The following ZSWIM5 variants were observed in gnomAD, a reference collection of about 807,000 sequenced individuals.
The protein encoded by ZSWIM5 is zinc finger SWIM-type containing 5, also known as zinc finger SWIM domain-containing protein 5.
A neutral mutation model predicts 119.6 loss-of-function variants in ZSWIM5; 55 were observed. The observed-to-expected ratio is 0.46, with a 90% CI of 0.37 to 0.58. The LOEUF (loss-of-function observed/expected upper bound fraction) is 0.58. ZSWIM5 is among the 20% of genes least tolerant of loss of function. The probability of loss-of-function intolerance (pLI) is 0.00; values close to 1 mark genes in which losing one functional copy is unlikely to be tolerated. For synonymous variants in ZSWIM5, 537 were observed against 606.9 expected (o/e 0.88, Z 1.69); for missense variants, 1,193 against 1,512.8 (o/e 0.79, Z 3.51).
chr1:45,169,877 T>C (rs1645935042), intron 1 of ZSWIM5, among the ~76,000 whole-genome samples: 1 of 152,096 alleles, frequency 6.6e-6, no homozygotes, highest in African/African-American at 2.4e-5. Context: ...TTAAAACCTA[T>C]ATTATACACA....
At chr1:45,180,186 CA>C (rs964582918) in intron 1 of ZSWIM5, among the ~76,000 whole-genome samples, 5 of 152,272 alleles carry the variant, frequency 3.3e-5, no homozygotes, top group Admixed American at 6.5e-5. Flanking sequence ...TGGTCAAGGA[CA>C]GGGGTGACAG....
At chr1:45,070,620 A>G (rs1243564950) in intron 2 of ZSWIM5, among the ~76,000 whole-genome samples, 1 of 152,070 alleles carries the variant, frequency 6.6e-6, no homozygotes, top group Non-Finnish European at 1.5e-5. Flanking sequence ...ATAATTTTTC[A>G]AAGTTTTATT....
chr1:45,018,197 G>A lies in ZSWIM5; in HGVS notation c.*257C>T, dbSNP rs1205675404. On this transcript the variant is annotated 3_prime_UTR_variant, in exon 14 of 14. Transcript: ENST00000359600. The surrounding 1 kb of genome is among the most constrained non-coding windows in gnomAD (Gnocchi z 6.7). ...CAGGACACGCAGGATATAGGGGCAT[G>A]AGGTGGCATGTTGTGGGGTTTCTGG... is the stretch of plus-strand genomic sequence containing the variant. The A allele has an allele frequency of 3.5e-5, 19 of 547,056 alleles. No individual in the cohort carries two copies. The Admixed American group carries it at 4.4e-4, about 13-fold the overall frequency. The allele number at this position is 547,056 out of a possible 1,614,324, so 33.9% of individuals were successfully genotyped here. A position where few individuals can be genotyped will look rare whatever the true frequency, so the allele number is the denominator to read the frequency against.
rs869057806 is a variant in ZSWIM5 at position 45,068,091 on chromosome 1, C to CT, written c.953-7845dup. On this transcript the variant is annotated intron_variant, in intron 2 of 13. Transcript: ENST00000359600. ...TATTAAGTCTAAGGAAGCAATTTTT[C>CT]TTTTTTTTTTTTTTTCTTTTTTTTT... is the stretch of plus-strand genomic sequence containing the variant. Among the ~76,000 whole-genome samples the CT allele has an allele frequency of 6.4e-3, 712 of 110,640 alleles. 1 individual carries two copies. The highest frequency in any genetic ancestry group is 0.01 in the South Asian group (35 of 3,354). 72.6% of individuals were successfully genotyped at this position (110,640 alleles called of 152,430 possible).
intron 1 of ZSWIM5, among the ~76,000 whole-genome samples, chr1:45,129,133 C>G (rs1645638849): frequency 7.2e-6 from 1 of 139,238 alleles, no homozygotes; most frequent in African/African-American, 2.6e-5. Context: ...GAGTTTTATA[C>G]TTTTCCTCAC....
chr1:45,033,694 A>AGGT (rs145688582), intron 11 of ZSWIM5, among the ~76,000 whole-genome samples: 8,840 of 152,250 alleles, frequency 0.058, 300 homozygotes, highest in East Asian at 0.12. Flanking sequence ...GGAGGCTGAC[A>AGGT]GGTCATTGAC....
chr1:45,167,859 C>T (rs1645917480), intron 1 of ZSWIM5, among the ~76,000 whole-genome samples: 1 of 152,270 alleles, frequency 6.6e-6, no homozygotes, highest in East Asian at 1.9e-4. Context: ...AACAGGAACA[C>T]TTTTCCACTG....
At chr1:45,085,361 T>C (rs1326510493) in intron 2 of ZSWIM5, among the ~76,000 whole-genome samples, 1 of 152,174 alleles carries the variant, frequency 6.6e-6, no homozygotes, top group East Asian at 1.9e-4. Flanking sequence ...TTTGAGACAT[T>C]TTCCTCATTG....
At chr1:45,032,509 C>A (rs10749854) in intron 11 of ZSWIM5, among the ~76,000 whole-genome samples, 97,738 of 145,978 alleles carry the variant, frequency 0.67, 33,515 homozygotes, top group Middle Eastern at 0.79. Flanking sequence ...TTTTTTGAGA[C>A]AGAGTCTCAC....
intron 2 of ZSWIM5, among the ~76,000 whole-genome samples, chr1:45,080,327 C>T (rs1002939594): frequency 6.6e-6 from 1 of 152,148 alleles, no homozygotes; most frequent in African/African-American, 2.4e-5. Flanking sequence ...GGCAATTCCT[C>T]TTTGGCTAGG....
At chr1:45,195,720 C>T (rs1281005341) in intron 1 of ZSWIM5, among the ~76,000 whole-genome samples, 1 of 152,006 alleles carries the variant, frequency 6.6e-6, no homozygotes, top group Non-Finnish European at 1.5e-5. Context: ...TTTTCCTTCA[C>T]ATCCATTAAT....
At chr1:45,120,904 C>T (rs754254868) in intron 1 of ZSWIM5, among the ~76,000 whole-genome samples, 1 of 152,116 alleles carries the variant, frequency 6.6e-6, no homozygotes, top group East Asian at 1.9e-4. Context: ...ATGTTTCGCT[C>T]CTAGTTAAGG....
At chr1:45,195,590 T>C (rs1454623675) in intron 1 of ZSWIM5, among the ~76,000 whole-genome samples, 1 of 152,166 alleles carries the variant, frequency 6.6e-6, no homozygotes, top group African/African-American at 2.4e-5. Flanking sequence ...AAGAAAATTA[T>C]AGCTTGGCAT....
At chr1:45,129,360 T>C (rs1435342870) in intron 1 of ZSWIM5, among the ~76,000 whole-genome samples, 2 of 151,988 alleles carry the variant, frequency 1.3e-5, no homozygotes, top group African/African-American at 2.4e-5. Flanking sequence ...GGTTTCACCA[T>C]GTTAGCCAGG....
At chr1:45,020,867 G>A (rs1227115962) in intron 11 of ZSWIM5, 79 bp from the exon 12 acceptor site, 13 of 1,482,576 alleles carry the variant, frequency 8.8e-6, no homozygotes, top group Non-Finnish European at 1.1e-5. Flanking sequence ...GATACTCATT[G>A]AAATGGCTGC....
chr1:45,174,884 A>G (rs747717099), intron 1 of ZSWIM5, among the ~76,000 whole-genome samples: 1 of 152,094 alleles, frequency 6.6e-6, no homozygotes, highest in Non-Finnish European at 1.5e-5. Context: ...ATCACCCCAG[A>G]ATACTTTTTT....
At chr1:45,038,017 C>A (rs1284043228) in intron 8 of ZSWIM5, among the ~76,000 whole-genome samples, 1 of 152,070 alleles carries the variant, frequency 6.6e-6, no homozygotes, top group Non-Finnish European at 1.5e-5. Flanking sequence ...AGCTGACAGT[C>A]TAGTAAGAGA....
intron 1 of ZSWIM5, among the ~76,000 whole-genome samples, chr1:45,097,276 T>A (rs1570094239): frequency 6.6e-6 from 1 of 152,222 alleles, no homozygotes; most frequent in Non-Finnish European, 1.5e-5. Flanking sequence ...AAGACCATTT[T>A]TCTGTTTGGA....
At chr1:45,040,033 T>G (rs535844194) in intron 7 of ZSWIM5, among the ~76,000 whole-genome samples, 2 of 152,280 alleles carry the variant, frequency 1.3e-5, no homozygotes, top group South Asian at 4.2e-4. Flanking sequence ...AGATAGGGTC[T>G]CACCATGTTG....
Sources: allele counts gnomAD v4.1 joint callset (sites outside exome capture counted in the v4.1 genomes callset), GRCh38; gene constraint gnomAD v4.1.1; non-coding constraint Gnocchi (gnomAD v3.1); transcripts MANE v1.5; gene names NCBI Gene and HGNC (gene_info 2026-07-23, HGNC 2026-07-21).